The following CACNA1A variants were observed in gnomAD, a reference collection of about 807,000 sequenced individuals.
CACNA1A encodes voltage-dependent P/Q-type calcium channel subunit alpha-1A.
In CACNA1A, 57 loss-of-function variants were observed where a neutral mutation model predicts 262.4. The observed-to-expected ratio is 0.22, with a 90% CI of 0.18 to 0.27. The LOEUF (loss-of-function observed/expected upper bound fraction) is 0.27. Ranked by LOEUF, CACNA1A falls within the 10% of genes least tolerant of loss-of-function variation. CACNA1A has a pLI of 1.00. For missense variants in CACNA1A, 2,526 were observed against 3,562.8 expected (o/e 0.71, Z 7.41); for synonymous variants, 1,431 against 1,419.3 (o/e 1.01, Z -0.18).
At chr19:13,242,745 G>A (rs2056113069) in intron 31 of CACNA1A, among the ~76,000 whole-genome samples, 1 of 152,222 alleles carries the variant, frequency 6.6e-6, no homozygotes. Flanking sequence ...CAGGCACACA[G>A]TAGGTGCTCA....
At position 13,310,107 on chromosome 19, in the gene CACNA1A, C is replaced by T. The variant is rs570067568; in HGVS notation, c.1669-1579G>A. On this transcript the variant is annotated intron_variant, in intron 12 of 46. Transcript: ENST00000360228. ...TTTGTGTTTGGTTTCTTTTACCGAG[C>T]GTTGTGTTTTCAAGGTCCTCGCCTT... is the stretch of plus-strand genomic sequence containing the variant. 7.9e-4 allele frequency among the ~76,000 whole-genome samples: 120 copies of T among 152,114 alleles called. 1 individual carries two copies. Among genetic ancestry groups the T allele is most frequent in the African/African-American group, 2.6e-3 (106 of 41,510 alleles).
intron 3 of CACNA1A, chr19:13,452,538 T>C (rs1373658892): frequency 5.5e-6 from 1 of 183,226 alleles, no homozygotes; most frequent in African/African-American, 2.3e-5. Context: ...TTAAGCAAGT[T>C]ACACTCTGAG....
rs550118681 is a variant in CACNA1A at position 13,307,906 on chromosome 19, G to C, written c.1914-52C>G. ...GTTGGCCCCACCCGGGGTGCTCTGA[G>C]GGTGTGGCTCAGTATCTCATCTCCA... On this transcript the variant is annotated intron_variant, in intron 14 of 46. Coordinates refer to ENST00000360228, the MANE Select transcript of CACNA1A (RefSeq NM_001127222.2). 4.6e-6 allele frequency: 7 copies of C among 1,535,520 alleles called. No individual in the cohort carries two copies. In the East Asian group the frequency reaches 1.6e-4, roughly 35 times the overall value.
intron 5 of CACNA1A, chr19:13,363,888 T>C (rs1338085975): frequency 2.0e-5 from 3 of 152,232 alleles, no homozygotes; most frequent in African/African-American, 7.2e-5. Flanking sequence ...ACTGAAGGCA[T>C]CCCTTCCTAC....
In CACNA1A at chr19:13,257,485, C is replaced by A; in HGVS notation, c.4455G>T (p.Glu1485Asp). ...NQGPSPGYRMEMSIFYVVYFV... is the reference protein window; with the variant it reads ...NQGPSPGYRMDMSIFYVVYFV... ...AGTAGACGACGTAGAAAATGGACAT[C>A]TCCATGCGGTACCCGGGGCTGGGGC... The change falls in exon 28 of 47, where the codon GAG becomes GAT. Residue 1485 changes from glutamate (E) to aspartate (D), a missense_variant. Physicochemically the swap from Glu to Asp is conservative, Grantham distance 45 (BLOSUM62 2). Coordinates refer to ENST00000360228, the MANE Select transcript of CACNA1A (RefSeq NM_001127222.2). The A allele has an allele frequency of 6.2e-7, 1 of 1,611,694 alleles. No individual in the cohort carries two copies. Among genetic ancestry groups the A allele is most frequent in the Non-Finnish European group, 8.5e-7 (1 of 1,178,758 alleles).
chr19:13,382,376 C>T (rs535407959), intron 3 of CACNA1A, among the ~76,000 whole-genome samples: 1 of 152,316 alleles, frequency 6.6e-6, no homozygotes, highest in African/African-American at 2.4e-5. Flanking sequence ...TCTCACCACC[C>T]TGTGCAATCC....
intron 23 of CACNA1A, among the ~76,000 whole-genome samples, chr19:13,276,709 T>TC (rs1393636312): frequency 7.1e-6 from 1 of 141,026 alleles, no homozygotes; most frequent in Non-Finnish European, 1.5e-5. Context: ...TTTTTTTTTT[T>TC]TTTTTTTTGA....
At chr19:13,338,889 G>A (rs532555894) in intron 6 of CACNA1A, among the ~76,000 whole-genome samples, 3 of 151,634 alleles carry the variant, frequency 2.0e-5, no homozygotes, top group South Asian at 4.2e-4. Flanking sequence ...TTTTTGAGAC[G>A]GAGTCTTACT....
rs1417890059 is a variant in CACNA1A at position 13,209,332 on chromosome 19, C to T, written c.6506G>A (p.Arg2169His). ...SHRASERSLG[R>H]YTDVDTGLGT... ...CCCACCTGTGTCCACATCGGTGTAGCGGCCCAGGGAGCGCTCAGAGGCGCG... is the reference window on the plus strand; with the variant it reads ...CCCACCTGTGTCCACATCGGTGTAGTGGCCCAGGGAGCGCTCAGAGGCGCG... Residue 2169 changes from arginine to histidine, a missense_variant, in exon 45 of 47, where the codon CGC (arginine) becomes CAC (histidine). By Grantham distance (29) the Arg-to-His change is conservative (BLOSUM62 0). Transcript: ENST00000360228. 30 of 1,395,826 alleles carry T rather than the reference C, an allele frequency of 2.1e-5. No individual in the cohort carries two copies. Among genetic ancestry groups the T allele is most frequent in the South Asian group, 6.8e-5 (4 of 58,504 alleles). 86.5% of individuals were successfully genotyped at this position (1,395,826 alleles called of 1,614,324 possible). A position where few individuals can be genotyped will look rare whatever the true frequency, so the allele number is the denominator to read the frequency against.
rs747917423 is a variant in CACNA1A at position 13,455,161 on chromosome 19, G to C, written c.345C>G (p.Leu115=). Residue 115 remains leucine (L), a synonymous_variant, in exon 2 of 47, where the codon CTC becomes CTG. Transcript: ENST00000360228. The part of the protein sequence containing the change: ...LATIIANCIV[L]ALEQHLPDDD... ...CATCAGGCAGATGCTGCTCCAGTGC[G>C]AGGACGATGCAATTCGCTATGATGG... 2.0e-5 allele frequency: 33 copies of C among 1,612,720 alleles called. No homozygotes were observed. In the South Asian group the frequency reaches 2.5e-4, roughly 12 times the overall value.
chr19:13,412,132 G>A (rs1168983164), intron 3 of CACNA1A, among the ~76,000 whole-genome samples: 3 of 152,018 alleles, frequency 2.0e-5, no homozygotes, highest in African/African-American at 7.2e-5. Context: ...CTGACTTGAG[G>A]CCTCCGTTAC....
rs79653562 is a variant in CACNA1A, at chr19:13,334,210, A to G, written c.1198+168T>C. 0.012 allele frequency: 6,737 copies of G among 579,306 alleles called. 343 individuals are homozygous for G. The highest frequency in any genetic ancestry group is 0.11 in the African/African-American group (6,016 of 53,644). The allele number at this position is 579,306 out of a possible 1,614,324, so 35.9% of individuals were successfully genotyped here. On this transcript the variant is annotated intron_variant, in intron 8 of 46. Coordinates refer to ENST00000360228, the MANE Select transcript of CACNA1A (RefSeq NM_001127222.2). Reference sequence around the variant, plus strand: ...TCCTGGCTTCATCTTAGACTTCTTCATATCAGACTCTGGATTCTTGTTGAT... The same window carrying G: ...TCCTGGCTTCATCTTAGACTTCTTCGTATCAGACTCTGGATTCTTGTTGAT...
At chr19:13,498,578 C>A (rs186567086) in intron 1 of CACNA1A, among the ~76,000 whole-genome samples, 1 of 152,056 alleles carries the variant, frequency 6.6e-6, no homozygotes, top group South Asian at 2.1e-4. Flanking sequence ...CCAGTCTGAA[C>A]GGCAGATAAA....
At chr19:13,235,524 G>A in intron 32 of CACNA1A, 90 bp downstream of exon 32, 2 of 919,210 alleles carry the variant, frequency 2.2e-6, no homozygotes, top group South Asian at 2.7e-5. Context: ...ACATCACAGA[G>A]GCACTTCCAA....
At chr19:13,404,187 T>TACACAC in intron 3 of CACNA1A, among the ~76,000 whole-genome samples, 1 of 144,944 alleles carries the variant, frequency 6.9e-6, no homozygotes, top group African/African-American at 2.8e-5. Flanking sequence ...TATATACACA[T>TACACAC]ATACACACAC....
chr19:13,306,926 T>C (rs191380980), intron 15 of CACNA1A, among the ~76,000 whole-genome samples: 11 of 152,258 alleles, frequency 7.2e-5, no homozygotes, highest in Admixed American at 3.3e-4. Context: ...TGGTCCTGCA[T>C]GGTGTGCTCC....
chr19:13,216,624 G>A (rs2055018164), intron 38 of CACNA1A, among the ~76,000 whole-genome samples: 1 of 152,020 alleles, frequency 6.6e-6, no homozygotes, highest in African/African-American at 2.4e-5. Context: ...CACTGTGCCT[G>A]GCCTATTATT....
intron 3 of CACNA1A, among the ~76,000 whole-genome samples, chr19:13,405,759 CAT>C (rs2059992532): frequency 6.6e-6 from 1 of 152,194 alleles, no homozygotes; most frequent in Non-Finnish European, 1.5e-5. Flanking sequence ...ATTCTGATAA[CAT>C]AGCATCTCTA....
intron 3 of CACNA1A, among the ~76,000 whole-genome samples, chr19:13,422,078 T>C (rs1279859426): frequency 1.3e-5 from 2 of 152,186 alleles, no homozygotes; most frequent in Non-Finnish European, 2.9e-5. Flanking sequence ...GCCAATACTT[T>C]GGGAGGCCAA....
Sources: allele counts gnomAD v4.1 joint callset (sites outside exome capture counted in the v4.1 genomes callset), GRCh38; gene constraint gnomAD v4.1.1; transcripts MANE v1.5; gene names NCBI Gene and HGNC (gene_info 2026-07-23, HGNC 2026-07-21).